AOPEP: variants seen among roughly 807,000 people sequenced by gnomAD.
AOPEP encodes aminopeptidase O (putative), also known as aminopeptidase O.
AOPEP carries 77 observed loss-of-function variants against 98.1 expected under a neutral mutation model. That is an observed-to-expected ratio of 0.78 (90% confidence interval 0.65 to 0.95). The LOEUF (loss-of-function observed/expected upper bound fraction) is 0.95, where lower values mean the gene tolerates loss of function less well. Among genes scored for constraint, AOPEP ranks in the 40% least tolerant of loss-of-function variants. The probability of loss-of-function intolerance (pLI) is 0.00; values close to 1 mark genes in which losing one functional copy is unlikely to be tolerated. For synonymous variants in AOPEP, 346 were observed against 365.3 expected (o/e 0.95, Z 0.60); for missense variants, 1,024 against 1,024.7 (o/e 1.00, Z 0.01).
At chr9:95,150,216 C>CT in the AOPEP span, 5 of 835,900 alleles carry the variant, frequency 6.0e-6, no homozygotes, top group South Asian at 1.5e-5. Flanking sequence ...GAGAATGACT[C>CT]TAACACCATC....
At chr9:94,768,613 T>G (rs1840169476) in intron 2 of AOPEP, among the ~76,000 whole-genome samples, 1 of 152,244 alleles carries the variant, frequency 6.6e-6, no homozygotes, top group Non-Finnish European at 1.5e-5. Flanking sequence ...TGACAAGTTC[T>G]TCCTCAATTT....
chr9:95,114,422 A>G, the AOPEP span: 1 of 654,232 alleles, frequency 1.5e-6, no homozygotes, highest in Admixed American at 2.1e-5. Context: ...ACATGCATAC[A>G]TGCGCATGCC....
intron 13 of AOPEP, among the ~76,000 whole-genome samples, chr9:95,007,389 G>C (rs146633539): frequency 1.6e-4 from 1 of 6,362 alleles, no homozygotes; most frequent in Non-Finnish European, 1.3e-3. Context: ...GGGAGAAAGT[G>C]GGGGGGGGAC....
At chr9:95,114,446 C>T in the AOPEP span, 1 of 697,554 alleles carries the variant, frequency 1.4e-6, no homozygotes. Context: ...TCATCCTGAC[C>T]TGCTCCAAGC....
chr9:95,069,525 C>G (rs2068261590), intron 14 of AOPEP, among the ~76,000 whole-genome samples: 1 of 149,490 alleles, frequency 6.7e-6, no homozygotes, highest in Non-Finnish European at 1.5e-5. Flanking sequence ...GTGAACCCCA[C>G]ATGGGCTCCC....
In AOPEP at chr9:95,004,563, C is replaced by A. The variant is rs767704005; in HGVS notation, c.1978-595C>A. On this transcript the variant is annotated intron_variant, in intron 11 of 16. Coordinates refer to ENST00000375315, the MANE Select transcript of AOPEP (RefSeq NM_001193329.3). ...GAAAGTTACTTTCCCTGCGCGAAAG[C>A]CACCGGGACCAGGTTTCCGACTCCA... is the stretch of plus-strand genomic sequence containing the variant. Among the ~76,000 whole-genome samples the A allele has an allele frequency of 3.3e-5, 5 of 152,292 alleles. No individual in the cohort carries two copies. In the Middle Eastern group the frequency reaches 0.01, roughly 313 times the overall value.
chr9:95,138,229 G>A, the AOPEP span, among the ~76,000 whole-genome samples: 6 of 152,244 alleles, frequency 3.9e-5, no homozygotes. Flanking sequence ...GTTGGAGTGA[G>A]TACAGGACCA....
chr9:95,065,356 C>G (rs550023734), intron 14 of AOPEP: 1 of 152,282 alleles, frequency 6.6e-6, no homozygotes, highest in Non-Finnish European at 1.5e-5. Flanking sequence ...TCTCCCACCA[C>G]GGTGCTGGCA....
At chr9:94,898,787 CA>C (rs2049946584) in intron 5 of AOPEP, among the ~76,000 whole-genome samples, 1 of 151,178 alleles carries the variant, frequency 6.6e-6, no homozygotes. Context: ...ACTAAAAATA[CA>C]AAAAATTAGC....
chr9:94,808,867 A>T (rs1250960733), intron 5 of AOPEP, among the ~76,000 whole-genome samples: 5 of 152,400 alleles, frequency 3.3e-5, no homozygotes, highest in East Asian at 3.9e-4. Context: ...TGTGGTTGGC[A>T]GGTCCTAGTT....
chr9:94,800,395 T>C (rs908375031), intron 4 of AOPEP, among the ~76,000 whole-genome samples: 3 of 152,188 alleles, frequency 2.0e-5, no homozygotes, highest in African/African-American at 7.2e-5. Context: ...ATTGTTCATA[T>C]GGTGATACTT....
chr9:94,859,456 AATCT>A (rs2044659314), intron 5 of AOPEP, among the ~76,000 whole-genome samples: 2 of 152,224 alleles, frequency 1.3e-5, no homozygotes, highest in Admixed American at 6.5e-5. Context: ...CCATGCAGAT[AATCT>A]AGGATAATCT....
chr9:95,144,130 G>A, the AOPEP span, among the ~76,000 whole-genome samples: 32 of 152,174 alleles, frequency 2.1e-4, no homozygotes, highest in Non-Finnish European at 3.2e-4. Flanking sequence ...CAGCACATCT[G>A]GGGAGGGGGG....
At chr9:94,809,247 A>G (rs1475522818) in intron 5 of AOPEP, among the ~76,000 whole-genome samples, 1 of 152,238 alleles carries the variant, frequency 6.6e-6, no homozygotes, top group Non-Finnish European at 1.5e-5. Flanking sequence ...AATAAACTTA[A>G]AAGAGATTCT....
At chr9:94,906,483 A>AATAATAATAATAATAAT (rs138384769) in intron 5 of AOPEP, among the ~76,000 whole-genome samples, 26,470 of 144,932 alleles carry the variant, frequency 0.18, 3,247 homozygotes, top group Non-Finnish European at 0.27. Flanking sequence ...TAATAATAAT[A>AATAATAATAATAATAAT]AAAAAACAGA....
intron 5 of AOPEP, among the ~76,000 whole-genome samples, chr9:94,891,007 A>C (rs1196375752): frequency 1.3e-5 from 2 of 152,214 alleles, no homozygotes; most frequent in Non-Finnish European, 2.9e-5. Context: ...ATTTTCTGTC[A>C]AGTAGTTCTA....
chr9:94,754,977 C>T (rs1836678091), intron 1 of AOPEP, among the ~76,000 whole-genome samples: 1 of 152,270 alleles, frequency 6.6e-6, no homozygotes, highest in East Asian at 1.9e-4. Flanking sequence ...TGATCCTCTT[C>T]CCCCTTAAGA....
chr9:95,092,909 G>A, the AOPEP span, among the ~76,000 whole-genome samples: 204 of 152,288 alleles, frequency 1.3e-3, 2 homozygotes, highest in Non-Finnish European at 7.2e-4. Flanking sequence ...GATCCCTGAG[G>A]TTTCTGCATT....
At chr9:94,762,370 C>T (rs1198718489) in intron 2 of AOPEP, among the ~76,000 whole-genome samples, 1 of 151,856 alleles carries the variant, frequency 6.6e-6, no homozygotes, top group Non-Finnish European at 1.5e-5. Context: ...TGGCGTGAAC[C>T]CGGGAGGCAG....
Sources: allele counts gnomAD v4.1 joint callset (sites outside exome capture counted in the v4.1 genomes callset), GRCh38; gene constraint gnomAD v4.1.1; transcripts MANE v1.5; gene names NCBI Gene and HGNC (gene_info 2026-07-23, HGNC 2026-07-21).